NKAIN2: variants seen among roughly 807,000 people sequenced by gnomAD.
NKAIN2 encodes sodium/potassium transporting ATPase interacting 2.
In NKAIN2, 14 loss-of-function variants were observed where a neutral mutation model predicts 32.6. The observed-to-expected ratio is 0.43, with a 90% confidence interval of 0.28 to 0.67. The LOEUF is 0.67. Ranked by LOEUF, NKAIN2 falls within the 30% of genes least tolerant of loss-of-function variation. NKAIN2 has a pLI of 0.17. For synonymous variants in NKAIN2, 80 were observed against 87.2 expected (o/e 0.92, Z 0.46); for missense variants, 198 against 258.3 (o/e 0.77, Z 1.60).
chr6:124,143,714 T>G (rs1271884357), intron 1 of NKAIN2, among the ~76,000 whole-genome samples: 1 of 152,148 alleles, frequency 6.6e-6, no homozygotes, highest in Non-Finnish European at 1.5e-5. Flanking sequence ...TAATGAATTA[T>G]ATGTAGATTG....
intron 3 of NKAIN2, among the ~76,000 whole-genome samples, chr6:124,440,469 G>A (rs534175895): frequency 6.6e-6 from 1 of 152,098 alleles, no homozygotes; most frequent in East Asian, 1.9e-4. Flanking sequence ...GCCAGATGAG[G>A]TGGCTCAGAT....
chr6:124,149,939 A>G (rs1582742289), intron 1 of NKAIN2, among the ~76,000 whole-genome samples: 1 of 152,244 alleles, frequency 6.6e-6, no homozygotes, highest in Non-Finnish European at 1.5e-5. Flanking sequence ...ACCTGTAGGT[A>G]ATTAAAATTT....
intron 4 of NKAIN2, among the ~76,000 whole-genome samples, chr6:124,746,764 A>G (rs535919608): frequency 2.2e-4 from 34 of 151,924 alleles, no homozygotes; most frequent in Non-Finnish European, 4.3e-4. Flanking sequence ...CAAGAAATGT[A>G]AAAACTTCTA....
intron 5 of NKAIN2, among the ~76,000 whole-genome samples, chr6:124,815,482 C>G (rs937307919): frequency 2.2e-4 from 34 of 152,068 alleles, no homozygotes; most frequent in African/African-American, 8.2e-4. Flanking sequence ...GTTGGCCAGG[C>G]TGGTCTTCAA....
intron 4 of NKAIN2, among the ~76,000 whole-genome samples, chr6:124,785,197 T>C (rs1336008226): frequency 6.6e-6 from 1 of 152,178 alleles, no homozygotes; most frequent in Non-Finnish European, 1.5e-5. Flanking sequence ...TCACTGATTC[T>C]TTCCTCTGTC....
chr6:123,869,995 C>T (rs1313939869), intron 1 of NKAIN2, among the ~76,000 whole-genome samples: 1 of 152,126 alleles, frequency 6.6e-6, no homozygotes, highest in African/African-American at 2.4e-5. Context: ...ATCTCTGCAG[C>T]ATTATATAAC....
intron 3 of NKAIN2, among the ~76,000 whole-genome samples, chr6:124,545,871 T>C (rs955096867): frequency 6.6e-6 from 1 of 152,038 alleles, no homozygotes; most frequent in Non-Finnish European, 1.5e-5. Flanking sequence ...TGCCATGAAA[T>C]CTGATTATTT....
At chr6:124,065,213 TACACACACACAC>T (rs144681461) in intron 1 of NKAIN2, among the ~76,000 whole-genome samples, 96 of 147,990 alleles carry the variant, frequency 6.5e-4, no homozygotes, top group South Asian at 1.5e-3. Context: ...ATCAGAAAAT[TACACACACACAC>T]ACACACACAC....
At chr6:124,017,267 T>C (rs1327316383) in intron 1 of NKAIN2, among the ~76,000 whole-genome samples, 13 of 152,072 alleles carry the variant, frequency 8.5e-5, no homozygotes, top group Admixed American at 6.6e-4. Flanking sequence ...TTACTTCCCA[T>C]AGGGTCCCTC....
intron 4 of NKAIN2, among the ~76,000 whole-genome samples, chr6:124,690,241 T>G (rs912898801): frequency 2.6e-5 from 4 of 152,112 alleles, no homozygotes; most frequent in Admixed American, 2.0e-4. Flanking sequence ...AATTTCAAAT[T>G]TTACTTGTTA....
chr6:124,391,010 G>T (rs528774281), intron 3 of NKAIN2: 1 of 152,084 alleles, frequency 6.6e-6, no homozygotes, highest in African/African-American at 2.4e-5. Context: ...TTATGGGAAA[G>T]TTCTTTGTAA....
At chr6:124,105,733 C>T (rs1301622151) in intron 1 of NKAIN2, among the ~76,000 whole-genome samples, 2 of 152,168 alleles carry the variant, frequency 1.3e-5, no homozygotes, top group Non-Finnish European at 2.9e-5. Flanking sequence ...CTTACACAGT[C>T]ACAGAATTCA....
chr6:124,565,790 A>C (rs1422309610), intron 3 of NKAIN2, among the ~76,000 whole-genome samples: 1 of 152,200 alleles, frequency 6.6e-6, no homozygotes, highest in Non-Finnish European at 1.5e-5. Flanking sequence ...CAAGGGTCTT[A>C]GAAGCTTCGA....
At chr6:124,509,573 T>G (rs1037004329) in intron 3 of NKAIN2, among the ~76,000 whole-genome samples, 1 of 152,234 alleles carries the variant, frequency 6.6e-6, no homozygotes, top group Non-Finnish European at 1.5e-5. Context: ...TTTGGTGAGC[T>G]CATGACTTGT....
Position 124,084,206 on chromosome 6 carries a change from A to G in NKAIN2, c.55-198799A>G, listed in dbSNP as rs150082713. Reference sequence around the variant, plus strand: ...AAGTTTAGGACATTATATCTCTTGTATCTCAGGCCAGAACAGTTTATTCTC... The same window carrying G: ...AAGTTTAGGACATTATATCTCTTGTGTCTCAGGCCAGAACAGTTTATTCTC... On this transcript the variant is annotated intron_variant, in intron 1 of 6. Transcript: ENST00000368417. 1.3e-3 allele frequency among the ~76,000 whole-genome samples: 203 copies of G among 152,118 alleles called. 2 individuals carry two copies. The Middle Eastern group carries it at 0.034, about 25-fold the overall frequency.
intron 3 of NKAIN2, among the ~76,000 whole-genome samples, chr6:124,607,276 A>G (rs1041031818): frequency 2.6e-5 from 4 of 152,186 alleles, no homozygotes; most frequent in Non-Finnish European, 5.9e-5. Context: ...ATTTAGTGAG[A>G]GTTTATTTGA....
intron 4 of NKAIN2, among the ~76,000 whole-genome samples, chr6:124,725,965 G>T (rs536766415): frequency 7.7e-4 from 117 of 152,326 alleles, no homozygotes; most frequent in African/African-American, 2.8e-3. Flanking sequence ...CTTGAAAATT[G>T]GGTCACTCCC....
At chr6:123,810,140 T>A (rs1226061809) in intron 1 of NKAIN2, among the ~76,000 whole-genome samples, 1 of 152,056 alleles carries the variant, frequency 6.6e-6, no homozygotes, top group Non-Finnish European at 1.5e-5. Context: ...ATATCCTCAC[T>A]TTACCAGGGA....
intron 1 of NKAIN2, among the ~76,000 whole-genome samples, chr6:124,238,171 G>A (rs764882149): frequency 1.3e-5 from 2 of 151,850 alleles, no homozygotes; most frequent in African/African-American, 4.8e-5. Context: ...GGTTAGCCAG[G>A]GGGGAAGAAA....
Sources: allele counts gnomAD v4.1 joint callset (sites outside exome capture counted in the v4.1 genomes callset), GRCh38; gene constraint gnomAD v4.1.1; transcripts MANE v1.5; gene names NCBI Gene and HGNC (gene_info 2026-07-23, HGNC 2026-07-21).